The following PIGB variants were observed in gnomAD, a reference collection of about 807,000 sequenced individuals.
PIGB encodes the protein phosphatidylinositol glycan anchor biosynthesis class B, also known as GPI alpha-1,2-mannosyltransferase 3.
A neutral mutation model predicts 68.4 loss-of-function variants in PIGB; 58 were observed. That is an observed-to-expected ratio of 0.85 (90% CI 0.69 to 1.06). The LOEUF is 1.06. Ranked by LOEUF, PIGB falls within the 50% of genes least tolerant of loss-of-function variation. The pLI is 0.00. For missense variants in PIGB, 634 were observed against 655.8 expected (o/e 0.97, Z 0.36); for synonymous variants, 219 against 220.5 (o/e 0.99, Z 0.06).
intron 5 of PIGB, 38 bp downstream of exon 5, chr15:55,329,892 C>T (rs769888329): frequency 2.8e-6 from 4 of 1,453,458 alleles, no homozygotes; most frequent in Non-Finnish European, 3.8e-6. Context: ...GTTCAAAATT[C>T]TACTTTTGAA....
At chr15:55,323,513 G>T (rs1000965121) in intron 3 of PIGB, among the ~76,000 whole-genome samples, 20 of 152,176 alleles carry the variant, frequency 1.3e-4, no homozygotes, top group African/African-American at 4.8e-4. Flanking sequence ...CACCATGGTA[G>T]CCACTAGCTA....
intron 9 of PIGB, among the ~76,000 whole-genome samples, chr15:55,345,840 A>G (rs2055781424): frequency 2.0e-5 from 3 of 152,292 alleles, no homozygotes; most frequent in African/African-American, 7.2e-5. Context: ...TCTCTTTCCC[A>G]GCCCCATTCT....
intron 6 of PIGB, among the ~76,000 whole-genome samples, chr15:55,337,008 C>T (rs1236043868): frequency 6.6e-6 from 1 of 151,940 alleles, no homozygotes; most frequent in East Asian, 1.9e-4. Flanking sequence ...AACCTTACAT[C>T]CAGATTATAT....
Position 55,320,260 on chromosome 15 carries a change from T to C in PIGB, c.164-15T>C. On this transcript the variant is annotated splice_polypyrimidine_tract_variant and intron_variant, in intron 1 of 11. Transcript: ENST00000164305. ...ACTTTTGTGCCACTATTACCTGTTT[T>C]GTTCTGTTTTTCAGATCTTCTTGGA... 7 of 1,609,616 alleles carry C rather than the reference T, an allele frequency of 4.3e-6. No individual in the cohort carries two copies. The highest frequency in any genetic ancestry group is 5.9e-6 in the Non-Finnish European group (7 of 1,177,758).
intron 9 of PIGB, among the ~76,000 whole-genome samples, chr15:55,345,515 T>C (rs1201120654): frequency 1.3e-5 from 2 of 152,176 alleles, no homozygotes; most frequent in Non-Finnish European, 2.9e-5. Context: ...TCCTAGCACT[T>C]TGGGAGGCTG....
intron 8 of PIGB, 38 bp from the exon 9 acceptor site, chr15:55,341,700 T>C (rs2055674747): frequency 8.7e-6 from 7 of 803,006 alleles, no homozygotes; most frequent in African/African-American, 1.8e-5. Context: ...TATAACATGA[T>C]AATTAATATT....
At chr15:55,340,527 G>A (rs1370351874) in intron 7 of PIGB, 85 bp from the exon 8 acceptor site, 6 of 736,344 alleles carry the variant, frequency 8.1e-6, no homozygotes, top group Non-Finnish European at 1.3e-5. Flanking sequence ...CTGATTTAAT[G>A]TCAAAATTGT....
intron 9 of PIGB, among the ~76,000 whole-genome samples, chr15:55,347,012 C>T (rs1318133289): frequency 6.6e-6 from 1 of 152,198 alleles, no homozygotes; most frequent in Non-Finnish European, 1.5e-5. Context: ...GGACTCTTGA[C>T]TTATACTCTA....
Position 55,329,738 on chromosome 15 carries a change from G to A in PIGB, c.537G>A (p.Leu179=), listed in dbSNP as rs764709826. 1.1e-5 allele frequency: 17 copies of A among 1,608,750 alleles called. No individual in the cohort carries two copies. The highest frequency in any genetic ancestry group is 1.4e-5 in the Non-Finnish European group (17 of 1,178,018). ...EVARWVFFCQ[L]CSWFTWYCCT... ...CTTTTTCTTAGTTTTTTTGCCAGTT[G>A]TGCTCCTGGTTCACATGGTATTGCT... The change falls in exon 5 of 12, where the codon TTG becomes TTA. Residue 179 remains leucine, a synonymous_variant. Transcript: ENST00000164305.
chr15:55,355,510 A>T lies in PIGB; in HGVS notation c.*78A>T. The T allele has an allele frequency of 8.4e-7, 1 of 1,197,170 alleles. No homozygotes were observed. 74.2% of individuals were successfully genotyped at this position (1,197,170 alleles called of 1,614,324 possible). Reference sequence around the variant, plus strand: ...AATACTTCGGTAAACACTGGGTAAGATTCATGGAACTTAGAAAAAAGCTGT... The same window carrying T: ...AATACTTCGGTAAACACTGGGTAAGTTTCATGGAACTTAGAAAAAAGCTGT... On this transcript the variant is annotated 3_prime_UTR_variant, in exon 12 of 12. Coordinates refer to ENST00000164305, the MANE Select transcript of PIGB (RefSeq NM_004855.5).
chr15:55,333,279 CG>C (rs1333360082), intron 5 of PIGB, among the ~76,000 whole-genome samples: 1 of 152,094 alleles, frequency 6.6e-6, no homozygotes, highest in Non-Finnish European at 1.5e-5. Flanking sequence ...ACCCAGAAAG[CG>C]TAAGTAACCT....
Position 55,349,349 on chromosome 15 carries a change from A to AT in PIGB, c.1124-1341dup, listed in dbSNP as rs569698782. Among the ~76,000 whole-genome samples the AT allele has an allele frequency of 8.4e-5, 12 of 142,670 alleles. No homozygotes were observed. The East Asian group carries it at 8.7e-4, about 10-fold the overall frequency. The allele number at this position is 142,670 out of a possible 152,430, so 93.6% of individuals were successfully genotyped here. ...AGGTGCGCACTATCACGCCTGGCTA[A>AT]TTTTTTTTTATTTTAAATGGAGTCT... is the stretch of plus-strand genomic sequence containing the variant. On this transcript the variant is annotated intron_variant, in intron 9 of 11. Coordinates refer to ENST00000164305, the MANE Select transcript of PIGB (RefSeq NM_004855.5).
chr15:55,340,686 A>G lies in PIGB; in HGVS notation c.921A>G (p.Pro307=), dbSNP rs111350880. ...QNWGTFYGSH[P]WHWYFSQGFP... ...GGGGAACATTTTATGGTTCTCATCC[A>G]TGGCACTGGTACTTCAGTCAAGGAT... is the stretch of plus-strand genomic sequence containing the variant. The change falls in exon 8 of 12, where the codon CCA becomes CCG. Residue 307 remains proline, a synonymous_variant. Coordinates refer to ENST00000164305, the MANE Select transcript of PIGB (RefSeq NM_004855.5). 5.0e-6 allele frequency: 8 copies of G among 1,612,764 alleles called. No homozygotes were observed. Among genetic ancestry groups the G allele is most frequent in the African/African-American group, 4.0e-5 (3 of 75,006 alleles).
chr15:55,320,447 G>A (rs1368404560), intron 2 of PIGB, 37 bp downstream of exon 2: 3 of 1,587,848 alleles, frequency 1.9e-6, no homozygotes, highest in Non-Finnish European at 2.6e-6. Flanking sequence ...CTATGAGTGT[G>A]TATTCATCTT....
rs528686744 is a variant in PIGB at position 55,330,121 on chromosome 15, G to C, written c.653+267G>C. Among the ~76,000 whole-genome samples the C allele has an allele frequency of 2.0e-5, 3 of 152,306 alleles. No homozygotes were observed. The East Asian group carries it at 5.8e-4, about 29-fold the overall frequency. On this transcript the variant is annotated intron_variant, in intron 5 of 11. Transcript: ENST00000164305. ...CCATAGTACCCCCAGCATGGTTATA[G>C]TAGGAAGTCTGTATTATCTCTAGGC...
In PIGB at chr15:55,320,298, C is replaced by T. The variant is rs758902434; in HGVS notation, c.187C>T (p.Leu63=). 6.3e-5 allele frequency: 102 copies of T among 1,612,586 alleles called. No individual in the cohort carries two copies. Among genetic ancestry groups the T allele is most frequent in the Non-Finnish European group, 8.5e-5 (100 of 1,179,196 alleles). ...AGATCTTCTTGGAGAAAATATTTAT[C>T]TGCTCTTGTTTACCATAGCTTTACG... ...RGDLLGENIY[L]LLFTIALRIL... The change falls in exon 2 of 12, where the codon CTG becomes TTG. Residue 63 remains leucine, a synonymous_variant. Coordinates refer to ENST00000164305, the MANE Select transcript of PIGB (RefSeq NM_004855.5).
At chr15:55,355,101 G>T in intron 11 of PIGB, 123 bp downstream of exon 11, 1 of 946,616 alleles carries the variant, frequency 1.1e-6, no homozygotes, top group Non-Finnish European at 1.6e-6. Flanking sequence ...TTCATAATTA[G>T]TCTTTTCTCC....
At chr15:55,347,579 A>C (rs1487440401) in intron 9 of PIGB, among the ~76,000 whole-genome samples, 1 of 152,230 alleles carries the variant, frequency 6.6e-6, no homozygotes, top group African/African-American at 2.4e-5. Context: ...AGCTCATCGG[A>C]TCCATAATAC....
At chr15:55,337,562 A>T (rs891719518) in intron 6 of PIGB, among the ~76,000 whole-genome samples, 1 of 152,202 alleles carries the variant, frequency 6.6e-6, no homozygotes, top group Admixed American at 6.5e-5. Flanking sequence ...TCCAGAAACC[A>T]TGCCCCACTC....
Sources: gnomAD v4.1 joint callset for allele counts (sites outside exome capture counted in the v4.1 genomes callset) on GRCh38, gnomAD v4.1.1 for gene constraint, MANE v1.5 for transcripts, NCBI Gene and HGNC (gene_info 2026-07-23, HGNC 2026-07-21) for gene names.